OTOGL: variants seen among roughly 807,000 people sequenced by gnomAD.
OTOGL encodes otogelin like.
In OTOGL, 285 loss-of-function variants were observed where a neutral mutation model predicts 318.5. That is an observed-to-expected ratio of 0.89 (90% CI 0.81 to 0.99). OTOGL has a LOEUF of 0.99. OTOGL is among the 50% of genes least tolerant of loss of function. The probability of loss-of-function intolerance (pLI) is 0.00; values close to 1 mark genes in which losing one functional copy is unlikely to be tolerated. For synonymous variants in OTOGL, 987 were observed against 936.5 expected (o/e 1.05, Z -0.99); for missense variants, 2,899 against 2,845.6 (o/e 1.02, Z -0.43).
At chr12:80,181,094 C>A (rs1038015498) in intron 1 of OTOGL, among the ~76,000 whole-genome samples, 1 of 152,146 alleles carries the variant, frequency 6.6e-6, no homozygotes, top group Admixed American at 6.5e-5. Context: ...CTAGTTTGAG[C>A]TCCATTATTA....
chr12:80,177,034 C>T (rs562522691), intron 1 of OTOGL, among the ~76,000 whole-genome samples: 4 of 151,798 alleles, frequency 2.6e-5, no homozygotes, highest in Non-Finnish European at 5.9e-5. Context: ...GGTTGTTTAT[C>T]TTATTGAGTT....
At chr12:80,191,428 G>T (rs771290936) in intron 1 of OTOGL, among the ~76,000 whole-genome samples, 34 of 152,198 alleles carry the variant, frequency 2.2e-4, no homozygotes, top group Non-Finnish European at 4.4e-4. Context: ...ACAGAGCAAG[G>T]CCTCAAAATA....
At chr12:80,277,783 A>G (rs535763822) in intron 24 of OTOGL, among the ~76,000 whole-genome samples, 23 of 151,664 alleles carry the variant, frequency 1.5e-4, no homozygotes, top group African/African-American at 5.3e-4. Context: ...TTACTATTTC[A>G]TCAGAAAATT....
intron 1 of OTOGL, among the ~76,000 whole-genome samples, chr12:80,181,626 C>G (rs1592524634): frequency 6.7e-6 from 1 of 150,072 alleles, no homozygotes; most frequent in Non-Finnish European, 1.5e-5. Flanking sequence ...CCCTGAGGAT[C>G]AAGATTTTTT....
chr12:80,128,671 G>A (rs889640423), intron 1 of OTOGL, among the ~76,000 whole-genome samples: 2 of 152,212 alleles, frequency 1.3e-5, no homozygotes, highest in African/African-American at 4.8e-5. Flanking sequence ...GCCTCCATGA[G>A]CTGTGGTAGG....
intron 4 of OTOGL, among the ~76,000 whole-genome samples, chr12:80,214,072 A>T (rs188659370): frequency 6.6e-6 from 1 of 152,210 alleles, no homozygotes; most frequent in African/African-American, 2.4e-5. Context: ...TCCTGTGGAG[A>T]TGTAATCAGG....
At chr12:80,133,894 C>G (rs1871386809) in intron 1 of OTOGL, among the ~76,000 whole-genome samples, 1 of 151,992 alleles carries the variant, frequency 6.6e-6, no homozygotes, top group African/African-American at 2.4e-5. Context: ...GAGACTGTGC[C>G]ACTGCACTCT....
Position 80,251,722 on chromosome 12 carries a change from C to A in OTOGL, c.1082C>A (p.Ala361Glu). The change falls in exon 12 of 59, where the codon GCA (alanine) becomes GAA (glutamate). Residue 361 changes from alanine to glutamate, a missense_variant. Physicochemically the swap from Ala to Glu is moderately radical, Grantham distance 107 (BLOSUM62 -1). Coordinates refer to ENST00000547103, the MANE Select transcript of OTOGL (RefSeq NM_001378609.3). ...KTDDDETYCR[A>E]ATEYARACSH... The stretch of plus-strand genomic sequence containing the variant: ...GATGATGATGAAACCTATTGCCGAG[C>A]AGCCACTGAGTATGCTAGAGCCTGC... 6.3e-7 allele frequency: 1 copy of A among 1,593,872 alleles called. No homozygotes were observed. The highest frequency in any genetic ancestry group is 8.6e-7 in the Non-Finnish European group (1 of 1,169,310).
intron 43 of OTOGL, among the ~76,000 whole-genome samples, chr12:80,340,690 T>C (rs1451091): frequency 0.53 from 79,873 of 151,826 alleles, 22,628 homozygotes; most frequent in East Asian, 0.73. Flanking sequence ...AAGGGAAATC[T>C]GGGTACTGTC....
intron 55 of OTOGL, among the ~76,000 whole-genome samples, chr12:80,369,774 C>T (rs1253164764): frequency 1.3e-5 from 2 of 151,824 alleles, no homozygotes; most frequent in African/African-American, 4.8e-5. Context: ...ACAACATGCC[C>T]CCACCATGGC....
intron 57 of OTOGL, among the ~76,000 whole-genome samples, chr12:80,376,331 T>C (rs1891176537): frequency 6.6e-6 from 1 of 152,184 alleles, no homozygotes; most frequent in Non-Finnish European, 1.5e-5. Flanking sequence ...TTCACTCTTT[T>C]GTAAGTAAGG....
At chr12:80,218,801 T>C (rs1877994179) in intron 5 of OTOGL, among the ~76,000 whole-genome samples, 1 of 143,498 alleles carries the variant, frequency 7.0e-6, no homozygotes, top group Non-Finnish European at 1.5e-5. Flanking sequence ...CTTTCTTTTT[T>C]TTTTTTTTTT....
intron 1 of OTOGL, among the ~76,000 whole-genome samples, chr12:80,117,170 A>G (rs1409322139): frequency 6.6e-6 from 1 of 152,142 alleles, no homozygotes; most frequent in Admixed American, 6.5e-5. Flanking sequence ...TGTAAGTTAT[A>G]TCTGACATAA....
chr12:80,300,980 G>T (rs1171872010), intron 27 of OTOGL, among the ~76,000 whole-genome samples: 1 of 152,140 alleles, frequency 6.6e-6, no homozygotes, highest in African/African-American at 2.4e-5. Context: ...ACAATATATT[G>T]TGCACCTGTT....
Position 80,271,713 on chromosome 12 carries a change from G to C in OTOGL, c.2584G>C (p.Gly862Arg), listed in dbSNP as rs960149760. 4 of 1,612,772 alleles carry C rather than the reference G, an allele frequency of 2.5e-6. No homozygotes were observed. The African/African-American group carries it at 5.3e-5, about 22-fold the overall frequency. ...CRFPDPELPA[G>R]GVNCETTCAN... is the part of the protein sequence containing the mutation. ...GTTTCCTGACCCTGAATTACCAGCT[G>C]GTGGTGTTAATTGTGAGACTACATG... The change falls in exon 24 of 59, where the codon GGT (glycine) becomes CGT (arginine). Residue 862 changes from glycine (G) to arginine (R), a missense_variant. Physicochemically the swap from Gly to Arg is moderately radical, Grantham distance 125. Transcript: ENST00000547103.
chr12:80,236,330 G>A (rs958073585), intron 9 of OTOGL, among the ~76,000 whole-genome samples: 12 of 152,122 alleles, frequency 7.9e-5, no homozygotes, highest in African/African-American at 2.2e-4. Flanking sequence ...AATATGGACA[G>A]TAAATTACTC....
At chr12:80,297,224 T>G (rs1032825024) in intron 27 of OTOGL, among the ~76,000 whole-genome samples, 1 of 152,192 alleles carries the variant, frequency 6.6e-6, no homozygotes, top group African/African-American at 2.4e-5. Flanking sequence ...CCTATTGCCT[T>G]AATTACTTCA....
At chr12:80,171,507 T>C (rs1156527107) in intron 1 of OTOGL, among the ~76,000 whole-genome samples, 1 of 152,254 alleles carries the variant, frequency 6.6e-6, no homozygotes, top group Non-Finnish European at 1.5e-5. Context: ...GTATTCTTTT[T>C]GATTTTTTAT....
intron 52 of OTOGL, among the ~76,000 whole-genome samples, chr12:80,360,755 C>T (rs979763323): frequency 6.6e-6 from 1 of 152,066 alleles, no homozygotes; most frequent in Non-Finnish European, 1.5e-5. Flanking sequence ...GCTGGGATTA[C>T]AGGTGTGAGC....
Sources: gnomAD v4.1 joint callset for allele counts (sites outside exome capture counted in the v4.1 genomes callset) on GRCh38, gnomAD v4.1.1 for gene constraint, MANE v1.5 for transcripts, NCBI Gene and HGNC (gene_info 2026-07-23, HGNC 2026-07-21) for gene names.